Variants in SLC1A1 observed in about 807,000 individuals in gnomAD.
SLC1A1 encodes solute carrier family 1 member 1.
In SLC1A1, 43 loss-of-function variants were observed where a neutral mutation model predicts 53.3. That is an observed-to-expected ratio of 0.81 (90% CI 0.63 to 1.04). The LOEUF (loss-of-function observed/expected upper bound fraction) is 1.04. SLC1A1 is among the 50% of genes least tolerant of loss of function. SLC1A1 has a pLI of 0.00. For missense variants in SLC1A1, 748 were observed against 664.9 expected, an observed-to-expected ratio of 1.12 and a Z score of -1.37; for synonymous variants, 307 against 243.2, an observed-to-expected ratio of 1.26 and a Z score of -2.44.
intron 2 of SLC1A1, among the ~76,000 whole-genome samples, chr9:4,545,160 A>G (rs932518732): frequency 1.4e-5 from 2 of 147,722 alleles, no homozygotes; most frequent in African/African-American, 2.5e-5. Context: ...TTCTTTTCTA[A>G]TTACGGGAAA....
intron 10 of SLC1A1, among the ~76,000 whole-genome samples, chr9:4,577,294 T>C (rs1820643631): frequency 6.6e-6 from 1 of 152,218 alleles, no homozygotes; most frequent in African/African-American, 2.4e-5. Context: ...TAGCTTGTGA[T>C]GCAGCCATGG....
At chr9:4,525,124 T>TA (rs1322522175) in intron 1 of SLC1A1, among the ~76,000 whole-genome samples, 1 of 152,140 alleles carries the variant, frequency 6.6e-6, no homozygotes, top group Non-Finnish European at 1.5e-5. Context: ...TGAAGGAGTC[T>TA]AAACGAAACC....
rs559516508 is a variant in SLC1A1, at chr9:4,536,467, G to A, written c.92-8100G>A. 4.6e-5 allele frequency among the ~76,000 whole-genome samples: 7 copies of A among 152,294 alleles called. No homozygotes were observed. In the South Asian group the frequency reaches 1.4e-3, roughly 32 times the overall value. The stretch of plus-strand genomic sequence containing the variant: ...ATGCTGATCATCACTGGTCATCAGA[G>A]AAATGCAAATCAAAACCACATTGAG... On this transcript the variant is annotated intron_variant, in intron 1 of 11. Transcript: ENST00000262352.
At chr9:4,573,846 C>T (rs1483521442) in intron 7 of SLC1A1, 61 bp from the exon 8 acceptor site, 2 of 1,173,520 alleles carry the variant, frequency 1.7e-6, no homozygotes, top group Non-Finnish European at 2.6e-6. Flanking sequence ...CCTTCCCCAC[C>T]AACCTAGCAT....
At chr9:4,537,335 G>A (rs1277835564) in intron 1 of SLC1A1, among the ~76,000 whole-genome samples, 1 of 38,394 alleles carries the variant, frequency 2.6e-5, no homozygotes, top group East Asian at 2.8e-4. Flanking sequence ...CGAGGCGGGT[G>A]GATCATGAGG....
chr9:4,532,399 A>G (rs1474044808), intron 1 of SLC1A1, among the ~76,000 whole-genome samples: 2 of 152,212 alleles, frequency 1.3e-5, no homozygotes, highest in Admixed American at 1.3e-4. Context: ...CCAAGGCACG[A>G]GAACTACGTG....
intron 1 of SLC1A1, among the ~76,000 whole-genome samples, chr9:4,502,493 C>G (rs973345820): frequency 1.3e-5 from 2 of 149,022 alleles, no homozygotes; most frequent in African/African-American, 2.5e-5. Context: ...CTTTGGCTAA[C>G]CAACCCTAAT....
At chr9:4,569,492 T>C (rs1819820672) in intron 6 of SLC1A1, among the ~76,000 whole-genome samples, 1 of 152,226 alleles carries the variant, frequency 6.6e-6, no homozygotes, top group African/African-American at 2.4e-5. Flanking sequence ...GCTTTTGGGA[T>C]TTCAGAATTG....
At chr9:4,531,013 G>C (rs1000105979) in intron 1 of SLC1A1, among the ~76,000 whole-genome samples, 2 of 152,192 alleles carry the variant, frequency 1.3e-5, no homozygotes, top group Non-Finnish European at 2.9e-5. Flanking sequence ...TGGTCCACAG[G>C]CAAGTCCATC....
chr9:4,492,419 T>C (rs1198180466), intron 1 of SLC1A1, among the ~76,000 whole-genome samples: 2 of 148,926 alleles, frequency 1.3e-5, no homozygotes, highest in Non-Finnish European at 3.0e-5. Context: ...AAGGCAGAGG[T>C]TGAAGTCAGC....
At chr9:4,531,786 C>A (rs1052277440) in intron 1 of SLC1A1, among the ~76,000 whole-genome samples, 1 of 152,166 alleles carries the variant, frequency 6.6e-6, no homozygotes, top group Non-Finnish European at 1.5e-5. Context: ...CCCCGAGTAG[C>A]CTAACTGGGA....
chr9:4,577,078 A>C (rs904654757), intron 10 of SLC1A1, among the ~76,000 whole-genome samples: 1 of 152,204 alleles, frequency 6.6e-6, no homozygotes, highest in East Asian at 1.9e-4. Flanking sequence ...GGGCATGCAC[A>C]TATCCAAATG....
Position 4,513,703 on chromosome 9 carries a change from T to A in SLC1A1, c.91+22933T>A, listed in dbSNP as rs557813705. ...GGCACAGCAGTCCCACTCCTGTGTA[T>A]AGGTCCTAGAGAAAGGAAAACATGT... On this transcript the variant is annotated intron_variant, in intron 1 of 11. Coordinates refer to ENST00000262352, the MANE Select transcript of SLC1A1 (RefSeq NM_004170.6). Among the ~76,000 whole-genome samples the A allele has an allele frequency of 3.0e-4, 45 of 152,328 alleles. 1 individual carries two copies. Among genetic ancestry groups the A allele is most frequent in the African/African-American group, 1.0e-3 (43 of 41,576 alleles).
intron 1 of SLC1A1, among the ~76,000 whole-genome samples, chr9:4,503,027 T>C (rs981987437): frequency 6.6e-6 from 1 of 151,884 alleles, no homozygotes; most frequent in Non-Finnish European, 1.5e-5. Context: ...TTATCCTGCC[T>C]ATCCTTGAAG....
At chr9:4,524,182 T>A (rs569914563) in intron 1 of SLC1A1, among the ~76,000 whole-genome samples, 4 of 152,236 alleles carry the variant, frequency 2.6e-5, no homozygotes, top group African/African-American at 7.2e-5. Context: ...ATATAACAAG[T>A]TCTTGATGTA....
intron 1 of SLC1A1, among the ~76,000 whole-genome samples, chr9:4,509,064 G>T (rs1820902910): frequency 6.6e-6 from 1 of 152,166 alleles, no homozygotes; most frequent in African/African-American, 2.4e-5. Flanking sequence ...TCTGGAGGAG[G>T]TGGCTTTTTA....
intron 1 of SLC1A1, among the ~76,000 whole-genome samples, chr9:4,526,244 G>A (rs550620637): frequency 2.0e-5 from 3 of 152,286 alleles, no homozygotes; most frequent in South Asian, 4.1e-4. Context: ...GAATTTATTA[G>A]ATAAGAGCAG....
At chr9:4,530,319 T>A (rs78467437) in intron 1 of SLC1A1, among the ~76,000 whole-genome samples, 3,074 of 152,214 alleles carry the variant, frequency 0.02, 111 homozygotes, top group African/African-American at 0.07. Flanking sequence ...GACCACTAAT[T>A]AAAGCACTGA....
intron 1 of SLC1A1, among the ~76,000 whole-genome samples, chr9:4,531,366 C>T (rs1177783393): frequency 6.6e-6 from 1 of 152,188 alleles, no homozygotes; most frequent in African/African-American, 2.4e-5. Flanking sequence ...CCTAATATTG[C>T]ACTTTTCCAA....
Sources: allele counts gnomAD v4.1 joint callset (sites outside exome capture counted in the v4.1 genomes callset), GRCh38; gene constraint gnomAD v4.1.1; transcripts MANE v1.5; gene names NCBI Gene and HGNC (gene_info 2026-07-23, HGNC 2026-07-21).